The following GPAT4 variants were observed in gnomAD, a reference collection of about 807,000 sequenced individuals.
GPAT4 encodes the protein 1-AGP acyltransferase 6.
Under a neutral mutation model 58.0 loss-of-function variants are expected in GPAT4, and 17 were observed. That is an observed-to-expected ratio of 0.29 (90% CI 0.20 to 0.44). GPAT4 has a LOEUF of 0.44. Among genes scored for constraint, GPAT4 ranks in the 20% least tolerant of loss-of-function variants. The probability of loss-of-function intolerance (pLI) is 1.00; values close to 1 mark genes in which losing one functional copy is unlikely to be tolerated. For synonymous variants in GPAT4, 204 were observed against 210.1 expected, an observed-to-expected ratio of 0.97 and a Z score of 0.25; for missense variants, 377 against 574.5, an observed-to-expected ratio of 0.66 and a Z score of 3.51.
chr8:41,596,076 T>C (rs1802923901), intron 1 of GPAT4, among the ~76,000 whole-genome samples: 4 of 152,212 alleles, frequency 2.6e-5, no homozygotes, highest in Admixed American at 2.6e-4. Context: ...CCACCTCTAA[T>C]GTTGGCCAGT....
At chr8:41,597,084 G>C (rs748682572) in intron 1 of GPAT4, among the ~76,000 whole-genome samples, 1 of 152,290 alleles carries the variant, frequency 6.6e-6, no homozygotes, top group East Asian at 1.9e-4. Flanking sequence ...TTAGGTCAGG[G>C]GTTGATTTTT....
At chr8:41,580,214 C>T (rs1195314954) in intron 1 of GPAT4, among the ~76,000 whole-genome samples, 1 of 152,164 alleles carries the variant, frequency 6.6e-6, no homozygotes, top group African/African-American at 2.4e-5. Context: ...TTTTAGGGAA[C>T]ATGATAAAAT....
At chr8:41,585,865 A>G (rs1802638760) in intron 1 of GPAT4, among the ~76,000 whole-genome samples, 1 of 152,264 alleles carries the variant, frequency 6.6e-6, no homozygotes. Context: ...TCTAATCACC[A>G]TAATGTATCT....
At chr8:41,610,857 G>A in intron 5 of GPAT4, 47 bp downstream of exon 5, 18 of 1,543,170 alleles carry the variant, frequency 1.2e-5, no homozygotes, top group Non-Finnish European at 1.5e-5. Flanking sequence ...TTAGTTCTGG[G>A]AATGGTGCTC....
At chr8:41,597,009 AC>A (rs1563272005) in intron 1 of GPAT4, among the ~76,000 whole-genome samples, 1 of 152,198 alleles carries the variant, frequency 6.6e-6, no homozygotes, top group African/African-American at 2.4e-5. Context: ...ATGGAACAGA[AC>A]AGGACAGGGG....
chr8:41,599,422 G>C lies in GPAT4; in HGVS notation c.165+118G>C, dbSNP rs900600921. On this transcript the variant is annotated intron_variant, in intron 2 of 12. Coordinates refer to ENST00000396987, the MANE Select transcript of GPAT4 (RefSeq NM_178819.4). ...TAGATAGGGAGAAAGTTGGGAGAAT[G>C]GGAAGTGGCTTTTTGAGTAAGAAGA... 2.4e-6 allele frequency: 3 copies of C among 1,237,776 alleles called. No homozygotes were observed. The African/African-American group carries it at 4.6e-5, about 19-fold the overall frequency. The allele number at this position is 1,237,776 out of a possible 1,614,324, so 76.7% of individuals were successfully genotyped here. A position where few individuals can be genotyped will look rare whatever the true frequency, so the allele number is the denominator to read the frequency against.
chr8:41,579,272 A>G (rs1384265265), intron 1 of GPAT4, among the ~76,000 whole-genome samples: 1 of 152,224 alleles, frequency 6.6e-6, no homozygotes, highest in African/African-American at 2.4e-5. Flanking sequence ...ACCAGCATGT[A>G]CTTGTTCTGG....
At position 41,612,729 on chromosome 8, in the gene GPAT4, C is replaced by T. The variant is rs1264335634; in HGVS notation, c.796-116C>T. On this transcript the variant is annotated intron_variant, in intron 7 of 12. Transcript: ENST00000396987. ...TTGGCAGTGAGCAACCTTCAGCCGG[C>T]AAGCGTTAGAAGTGAGAAGTTGGAC... The T allele has an allele frequency of 3.5e-6, 3 of 850,984 alleles. No individual in the cohort carries two copies. The South Asian group carries it at 5.6e-5, about 16-fold the overall frequency. 52.7% of individuals were successfully genotyped at this position (850,984 alleles called of 1,614,324 possible). A position where few individuals can be genotyped will look rare whatever the true frequency, so the allele number is the denominator to read the frequency against.
chr8:41,594,796 C>T (rs35102560), intron 1 of GPAT4, among the ~76,000 whole-genome samples: 34,920 of 152,030 alleles, frequency 0.23, 4,057 homozygotes, highest in East Asian at 0.29. Context: ...CTGCCCGCCT[C>T]GGCCTCCCAA....
At chr8:41,584,915 T>G (rs1427874319) in intron 1 of GPAT4, 1 of 152,230 alleles carries the variant, frequency 6.6e-6, no homozygotes, top group Non-Finnish European at 1.5e-5. Flanking sequence ...TTCTGTCTTC[T>G]CTGTGAGTTG....
Position 41,609,961 on chromosome 8 carries a change from G to A in GPAT4, c.536+6G>A, listed in dbSNP as rs1454565360. 5.7e-6 allele frequency: 9 copies of A among 1,591,670 alleles called. No homozygotes were observed. The highest frequency in any genetic ancestry group is 6.9e-6 in the Non-Finnish European group (8 of 1,166,940). On this transcript the variant is annotated splice_donor_region_variant and intron_variant, in intron 4 of 12. Coordinates refer to ENST00000396987, the MANE Select transcript of GPAT4 (RefSeq NM_178819.4). ...TGCTTTCTGCTGCCGCTCAGGTGAGGCAGGGCCTGCGGGAGTGGGGCTCGC... is the reference window on the plus strand; with the variant it reads ...TGCTTTCTGCTGCCGCTCAGGTGAGACAGGGCCTGCGGGAGTGGGGCTCGC...
chr8:41,610,031 G>T, intron 4 of GPAT4, 76 bp downstream of exon 4: 1 of 1,519,800 alleles, frequency 6.6e-7, no homozygotes, highest in South Asian at 1.3e-5. Flanking sequence ...CTGCTCTGCT[G>T]TGTATTCCCG....
chr8:41,603,474 G>A (rs1215693726), intron 2 of GPAT4, among the ~76,000 whole-genome samples: 1 of 150,018 alleles, frequency 6.7e-6, no homozygotes, highest in Non-Finnish European at 1.5e-5. Context: ...TGCAGTGTAC[G>A]GAGATCCCGC....
chr8:41,610,887 A>G (rs961412278), intron 5 of GPAT4, 77 bp downstream of exon 5: 24 of 1,407,548 alleles, frequency 1.7e-5, no homozygotes, highest in Non-Finnish European at 2.2e-5. Flanking sequence ...AGGCAAGGAC[A>G]CTTCTTTGGA....
At position 41,581,307 on chromosome 8, in the gene GPAT4, CAG is replaced by C. The variant is rs372406966; in HGVS notation, c.-849+3032_-849+3033del. Reference sequence around the variant, plus strand: ...GACACGTACACATGCCACACAAACACAGAGTCTCATCTAGGGCTCTCTTCATT... The same window carrying C: ...GACACGTACACATGCCACACAAACACAGTCTCATCTAGGGCTCTCTTCATT... On this transcript the variant is annotated intron_variant, in intron 1 of 12. Transcript: ENST00000396987. 1.0e-3 allele frequency among the ~76,000 whole-genome samples: 158 copies of C among 152,326 alleles called. 2 individuals carry two copies. The highest frequency in any genetic ancestry group is 3.4e-3 in the African/African-American group (141 of 41,576).
chr8:41,623,053 G>C lies in GPAT4; in HGVS notation c.*2052G>C, dbSNP rs913053072. On this transcript the variant is annotated 3_prime_UTR_variant, in exon 13 of 13. Transcript: ENST00000396987. ...ACACACACACACAGGTTTTGCTTTT[G>C]TCTCACATTCAGCACAGCTGTCTGC... is the stretch of plus-strand genomic sequence containing the variant. 2 of 152,148 alleles carry C rather than the reference G, an allele frequency of 1.3e-5. No homozygotes were observed. The highest frequency in any genetic ancestry group is 4.8e-5 in the African/African-American group (2 of 41,438). The allele number at this position is 152,148 out of a possible 1,614,324, so 9.4% of individuals were successfully genotyped here. A position where few individuals can be genotyped will look rare whatever the true frequency, so the allele number is the denominator to read the frequency against.
intron 1 of GPAT4, among the ~76,000 whole-genome samples, chr8:41,594,335 T>G (rs940745646): frequency 1.3e-5 from 2 of 152,186 alleles, no homozygotes; most frequent in Admixed American, 6.5e-5. Flanking sequence ...AAATTTACAT[T>G]CCTATGCCTG....
At chr8:41,593,753 G>T (rs1802854085) in intron 1 of GPAT4, among the ~76,000 whole-genome samples, 1 of 152,168 alleles carries the variant, frequency 6.6e-6, no homozygotes, top group South Asian at 2.1e-4. Context: ...GAAATTCTGG[G>T]GGTGGTACAT....
intron 1 of GPAT4, among the ~76,000 whole-genome samples, chr8:41,594,474 T>TA (rs1720791256): frequency 1.3e-5 from 2 of 152,082 alleles, no homozygotes; most frequent in African/African-American, 4.8e-5. Context: ...TTCCTTTTTT[T>TA]AATAACTTCT....
Sources: gnomAD v4.1 joint callset for allele counts (sites outside exome capture counted in the v4.1 genomes callset) on GRCh38, gnomAD v4.1.1 for gene constraint, MANE v1.5 for transcripts, NCBI Gene and HGNC (gene_info 2026-07-23, HGNC 2026-07-21) for gene names.